The following ROBO2 variants were observed in gnomAD, a reference collection of about 807,000 sequenced individuals.
ROBO2 encodes the protein roundabout homolog 2.
In ROBO2, 53 loss-of-function variants were observed where a neutral mutation model predicts 160.8. The ratio of observed to expected loss-of-function variants is 0.33; its 90% CI spans 0.26 to 0.41. The LOEUF (loss-of-function observed/expected upper bound fraction) is 0.41. Among genes scored for constraint, ROBO2 ranks in the 10% least tolerant of loss-of-function variants. The probability of loss-of-function intolerance (pLI) is 1.00; values close to 1 mark genes in which losing one functional copy is unlikely to be tolerated. For missense variants in ROBO2, 1,577 were observed against 1,722.4 expected (o/e 0.92, Z 1.49); for synonymous variants, 664 against 611.7 (o/e 1.09, Z -1.26).
chr3:77,494,628 T>C (rs897465411), intron 5 of ROBO2, among the ~76,000 whole-genome samples: 2 of 152,156 alleles, frequency 1.3e-5, no homozygotes, highest in African/African-American at 4.8e-5. Context: ...ACTTCGTTTC[T>C]TTCAACTGAC....
At chr3:76,217,233 CT>C (rs1202844974) in intron 2 of ROBO2, among the ~76,000 whole-genome samples, 1 of 152,028 alleles carries the variant, frequency 6.6e-6, no homozygotes, top group East Asian at 1.9e-4. Context: ...AATTGACACC[CT>C]AACATCACAA....
At chr3:76,907,489 C>G (rs758414009) in intron 2 of ROBO2, among the ~76,000 whole-genome samples, 5 of 152,054 alleles carry the variant, frequency 3.3e-5, no homozygotes, top group African/African-American at 2.4e-5. Context: ...TTTTGTTCCC[C>G]CTCTTTCTTT....
chr3:77,030,326 ATGTAT>A (rs2063243395), intron 2 of ROBO2, among the ~76,000 whole-genome samples: 1 of 152,196 alleles, frequency 6.6e-6, no homozygotes, highest in Non-Finnish European at 1.5e-5. Context: ...TTAGATATAC[ATGTAT>A]TTATTTGTGT....
chr3:76,958,516 A>G (rs1032318641), intron 2 of ROBO2, among the ~76,000 whole-genome samples: 1 of 152,232 alleles, frequency 6.6e-6, no homozygotes, highest in Admixed American at 6.5e-5. Flanking sequence ...CTAGTCTCCT[A>G]TCTCTAGCTT....
intron 2 of ROBO2, among the ~76,000 whole-genome samples, chr3:76,195,797 A>C (rs1374220747): frequency 1.3e-5 from 2 of 152,180 alleles, no homozygotes; most frequent in African/African-American, 4.8e-5. Context: ...TAAGATAATT[A>C]TTCTTAGGCA....
rs138376994 is a variant in ROBO2, at chr3:77,071,369, C to T, written c.62-26645C>T. On this transcript the variant is annotated intron_variant, in intron 1 of 25. Coordinates refer to ENST00000461745, the Ensembl canonical transcript of ROBO2. ...AAATAGCATTAAATTAAAATGAAACCGGTAGTTTTATGATACATGTCCTTT... is the reference window on the plus strand; with the variant it reads ...AAATAGCATTAAATTAAAATGAAACTGGTAGTTTTATGATACATGTCCTTT... 2.5e-3 allele frequency among the ~76,000 whole-genome samples: 383 copies of T among 152,128 alleles called. 2 individuals are homozygous for T. Among genetic ancestry groups the T allele is most frequent in the African/African-American group, 8.4e-3 (349 of 41,518 alleles).
chr3:75,935,737 T>A (rs933422796), intron 1 of ROBO2, among the ~76,000 whole-genome samples: 1 of 152,264 alleles, frequency 6.6e-6, no homozygotes, highest in South Asian at 2.1e-4. Flanking sequence ...ACAAGACATC[T>A]TTTTTTCCCT....
intron 2 of ROBO2, among the ~76,000 whole-genome samples, chr3:77,283,491 G>T (rs529240990): frequency 1.3e-5 from 2 of 152,154 alleles, no homozygotes; most frequent in East Asian, 3.9e-4. Context: ...CTTCTAAAAC[G>T]TATAAGTGAA....
chr3:76,797,324 T>C (rs1243217067), intron 2 of ROBO2, among the ~76,000 whole-genome samples: 2 of 152,074 alleles, frequency 1.3e-5, no homozygotes, highest in African/African-American at 2.4e-5. Context: ...TTAAACAATG[T>C]CCTCTTGAAT....
At chr3:76,726,404 T>A (rs1286795036) in intron 2 of ROBO2, among the ~76,000 whole-genome samples, 1 of 152,226 alleles carries the variant, frequency 6.6e-6, no homozygotes, top group Non-Finnish European at 1.5e-5. Context: ...CGCAACTTGC[T>A]TACTGCAATT....
At chr3:76,584,678 A>G (rs2085921927) in intron 2 of ROBO2, among the ~76,000 whole-genome samples, 1 of 152,186 alleles carries the variant, frequency 6.6e-6, no homozygotes, top group African/African-American at 2.4e-5. Context: ...TCTCACAGCC[A>G]TCTAGTCTGT....
intron 2 of ROBO2, among the ~76,000 whole-genome samples, chr3:76,841,736 C>T (rs1429425450): frequency 2.0e-5 from 3 of 152,076 alleles, no homozygotes; most frequent in African/African-American, 2.4e-5. Context: ...ATTTATTAGC[C>T]GCTTCTAAAT....
chr3:77,457,664 T>C (rs1382457019), intron 2 of ROBO2, among the ~76,000 whole-genome samples: 1 of 152,132 alleles, frequency 6.6e-6, no homozygotes, highest in Non-Finnish European at 1.5e-5. Context: ...TGAGAAAGAC[T>C]ATCCAAAGAA....
At position 76,563,101 on chromosome 3, in the gene ROBO2, A is replaced by G. The variant is rs376655502; in HGVS notation, c.110-534913A>G. Reference sequence around the variant, plus strand: ...AGTTTGCCTATCCTTTCTCAAACTGAAGGATTTTTTTTTTTATGATGCTGT... The same window carrying G: ...AGTTTGCCTATCCTTTCTCAAACTGGAGGATTTTTTTTTTTATGATGCTGT... On this transcript the variant is annotated intron_variant, in intron 2 of 26. Transcript: ENST00000487694. 7.2e-5 allele frequency among the ~76,000 whole-genome samples: 11 copies of G among 152,192 alleles called. No homozygotes were observed. In the East Asian group the frequency reaches 1.9e-3, roughly 27 times the overall value.
At chr3:76,411,497 C>T (rs183135592) in intron 2 of ROBO2, among the ~76,000 whole-genome samples, 34 of 151,986 alleles carry the variant, frequency 2.2e-4, no homozygotes, top group South Asian at 2.1e-4. Context: ...AATTTGTGAT[C>T]GCTTCTAAAT....
At position 76,831,987 on chromosome 3, in the gene ROBO2, A is replaced by G. The variant is rs555690631; in HGVS notation, c.110-266027A>G. On this transcript the variant is annotated intron_variant, in intron 2 of 26. Transcript: ENST00000487694. ...CCAGTTAAAGCAGTTTATGAAATTT[A>G]GGGGGAAGGGCAAAAATCAATCCCT... Among the ~76,000 whole-genome samples the G allele has an allele frequency of 3.3e-5, 5 of 152,294 alleles. No homozygotes were observed. The East Asian group carries it at 7.7e-4, about 24-fold the overall frequency.
chr3:77,563,056 T>C (rs1279305524), intron 10 of ROBO2, 111 bp from the exon 12 acceptor site: 10 of 946,996 alleles, frequency 1.1e-5, no homozygotes, highest in African/African-American at 1.6e-5. Context: ...TTCATGGAGA[T>C]GAATTTCTCA....
chr3:76,162,806 A>ATATT (rs1232889877), intron 2 of ROBO2, among the ~76,000 whole-genome samples: 11 of 152,150 alleles, frequency 7.2e-5, no homozygotes, highest in Non-Finnish European at 1.6e-4. Flanking sequence ...TTTTCTTATT[A>ATATT]GACATCCCTA....
At chr3:76,871,343 A>G (rs993536464) in intron 2 of ROBO2, among the ~76,000 whole-genome samples, 7 of 151,928 alleles carry the variant, frequency 4.6e-5, no homozygotes, top group South Asian at 4.2e-4. Flanking sequence ...TCACGAGGTC[A>G]GGAGATCGAG....
Sources: allele counts gnomAD v4.1 joint callset (sites outside exome capture counted in the v4.1 genomes callset), GRCh38; gene constraint gnomAD v4.1.1; transcripts MANE v1.5; gene names NCBI Gene and HGNC (gene_info 2026-07-23, HGNC 2026-07-21).